Variants in HS3ST4 observed in about 807,000 individuals in gnomAD.
The protein encoded by HS3ST4 is heparan sulfate-glucosamine 3-sulfotransferase 4.
A neutral mutation model predicts 29.2 loss-of-function variants in HS3ST4; 17 were observed. The ratio of observed to expected loss-of-function variants is 0.58; its 90% CI spans 0.40 to 0.87. HS3ST4 has a LOEUF of 0.87. Among genes scored for constraint, HS3ST4 ranks in the 40% least tolerant of loss-of-function variants. The probability of loss-of-function intolerance (pLI) is 0.00; values close to 1 mark genes in which losing one functional copy is unlikely to be tolerated. For missense variants in HS3ST4, 627 were observed against 634.5 expected (o/e 0.99, Z 0.13); for synonymous variants, 314 against 285.7 (o/e 1.10, Z -1.00).
chr16:25,956,350 C>G (rs1488742599), intron 1 of HS3ST4, among the ~76,000 whole-genome samples: 3 of 152,054 alleles, frequency 2.0e-5, no homozygotes, highest in African/African-American at 7.2e-5. Flanking sequence ...GGTAACCTAC[C>G]CAGAAGTTGT....
Position 25,823,052 on chromosome 16 carries a change from T to C in HS3ST4, c.734+129901T>C, listed in dbSNP as rs181290340. On this transcript the variant is annotated intron_variant, in intron 1 of 1. Coordinates refer to ENST00000331351, the MANE Select transcript of HS3ST4 (RefSeq NM_006040.3). Reference sequence around the variant, plus strand: ...TGCACCCAGCCCACAGGATTACTTTTAATAACAGCATCGTGTTTTCTTAGA... The same window carrying C: ...TGCACCCAGCCCACAGGATTACTTTCAATAACAGCATCGTGTTTTCTTAGA... Among the ~76,000 whole-genome samples the C allele has an allele frequency of 7.5e-4, 114 of 152,306 alleles. 2 individuals are homozygous for C. Among genetic ancestry groups the C allele is most frequent in the Admixed American group, 7.3e-3 (112 of 15,302 alleles).
intron 1 of HS3ST4, among the ~76,000 whole-genome samples, chr16:25,865,344 C>T (rs1051120565): frequency 6.6e-6 from 1 of 152,154 alleles, no homozygotes; most frequent in Admixed American, 6.5e-5. Context: ...ATAGTAGCCA[C>T]TCTGACAGGT....
intron 1 of HS3ST4, among the ~76,000 whole-genome samples, chr16:26,071,911 C>CA (rs1361839921): frequency 5.3e-5 from 8 of 152,176 alleles, no homozygotes; most frequent in Non-Finnish European, 1.0e-4. Flanking sequence ...TTGGAACACT[C>CA]ACGAGGGGTC....
At chr16:25,899,504 A>G in intron 1 of HS3ST4, among the ~76,000 whole-genome samples, 1 of 150,448 alleles carries the variant, frequency 6.6e-6, no homozygotes, top group African/African-American at 2.4e-5. Context: ...TCCTTTTTAA[A>G]TTTTTTTTTT....
At chr16:25,829,306 C>T (rs546671676) in intron 1 of HS3ST4, among the ~76,000 whole-genome samples, 1 of 152,290 alleles carries the variant, frequency 6.6e-6, no homozygotes, top group East Asian at 1.9e-4. Context: ...AGACATTTTG[C>T]CCTAAATGTG....
intron 1 of HS3ST4, 111 bp downstream of exon 1, chr16:25,693,262 GC>G: frequency 8.3e-7 from 1 of 1,201,210 alleles, no homozygotes; most frequent in Admixed American, 3.3e-5. Flanking sequence ...AGAGGCCCAA[GC>G]CCCCGCGAGG....
chr16:25,877,887 A>C (rs908301560), intron 1 of HS3ST4, among the ~76,000 whole-genome samples: 1 of 152,236 alleles, frequency 6.6e-6, no homozygotes, highest in African/African-American at 2.4e-5. Flanking sequence ...TGCGCTAAGC[A>C]CTGGAGATGT....
chr16:25,795,298 T>TC (rs1360185350), intron 1 of HS3ST4, among the ~76,000 whole-genome samples: 1 of 151,878 alleles, frequency 6.6e-6, no homozygotes, highest in African/African-American at 2.4e-5. Flanking sequence ...TTTTCTTTTC[T>TC]CTTTTTTTTT....
Position 25,778,090 on chromosome 16 carries a change from T to C in HS3ST4, c.734+84939T>C, listed in dbSNP as rs144677796. Among the ~76,000 whole-genome samples, 170 of 152,214 alleles carry C rather than the reference T, an allele frequency of 1.1e-3. 2 individuals carry two copies. In the Middle Eastern group the frequency reaches 0.024, roughly 21 times the overall value. On this transcript the variant is annotated intron_variant, in intron 1 of 1. Transcript: ENST00000331351. Reference sequence around the variant, plus strand: ...TTTTCAGTATTTCTTTTATGCTGTTTGATATTTTAAAAAGTGTGATTACTC... The same window carrying C: ...TTTTCAGTATTTCTTTTATGCTGTTCGATATTTTAAAAAGTGTGATTACTC...
At chr16:26,043,580 T>C (rs1350830705) in intron 1 of HS3ST4, among the ~76,000 whole-genome samples, 1 of 152,180 alleles carries the variant, frequency 6.6e-6, no homozygotes, top group African/African-American at 2.4e-5. Flanking sequence ...AGGTCCCAGA[T>C]GTCGGGTATC....
At chr16:25,855,134 T>A (rs964594055) in intron 1 of HS3ST4, among the ~76,000 whole-genome samples, 8 of 152,132 alleles carry the variant, frequency 5.3e-5, no homozygotes, top group African/African-American at 1.7e-4. Flanking sequence ...GTTTTTTGAT[T>A]GATGGGTGGA....
intron 1 of HS3ST4, among the ~76,000 whole-genome samples, chr16:25,804,858 A>T (rs925718871): frequency 6.6e-6 from 1 of 152,098 alleles, no homozygotes; most frequent in African/African-American, 2.4e-5. Context: ...GGCTTAACCC[A>T]TTGGCTAACA....
chr16:25,969,341 CAG>C (rs145031890), intron 1 of HS3ST4, among the ~76,000 whole-genome samples: 334 of 152,310 alleles, frequency 2.2e-3, no homozygotes, highest in African/African-American at 7.8e-3. Flanking sequence ...TTCCTTGAGA[CAG>C]ACAGTTTTCT....
chr16:26,116,609 A>G (rs572346126), intron 1 of HS3ST4, among the ~76,000 whole-genome samples: 48 of 152,366 alleles, frequency 3.2e-4, no homozygotes, highest in African/African-American at 1.1e-3. Context: ...GTAGCATCTG[A>G]TAATGATAGA....
chr16:25,785,743 C>A (rs1966856805), intron 1 of HS3ST4, among the ~76,000 whole-genome samples: 1 of 152,080 alleles, frequency 6.6e-6, no homozygotes. Flanking sequence ...ATTAGAGGGA[C>A]CTTACAGCTT....
In HS3ST4 at chr16:25,849,396, G is replaced by A. The variant is rs1268599383; in HGVS notation, c.734+156245G>A. On this transcript the variant is annotated intron_variant, in intron 1 of 1. Transcript: ENST00000331351. ...ATTGGTGAATCTCTGAGCAAGAAAT[G>A]TGTCACTTTTTCTTTGAAATTCTGA... Among the ~76,000 whole-genome samples the A allele has an allele frequency of 6.6e-5, 10 of 152,192 alleles. 1 individual carries two copies. The highest frequency in any genetic ancestry group is 5.9e-4 in the Admixed American group (9 of 15,288).
rs142080919 is a variant in HS3ST4, at chr16:25,923,436, C to G, written c.735-212176C>G. ...CCAGGACTGCTAAACAGAGACTACC[C>G]TAGGAAATTCTATTGCCTGACACTT... On this transcript the variant is annotated intron_variant, in intron 1 of 1. Coordinates refer to ENST00000331351, the MANE Select transcript of HS3ST4 (RefSeq NM_006040.3). Among the ~76,000 whole-genome samples the G allele has an allele frequency of 4.9e-3, 741 of 152,300 alleles. 5 individuals carry two copies. Among genetic ancestry groups the G allele is most frequent in the Middle Eastern group, 0.017 (5 of 294 alleles).
chr16:25,805,535 C>T (rs1479130750), intron 1 of HS3ST4, among the ~76,000 whole-genome samples: 2 of 151,956 alleles, frequency 1.3e-5, no homozygotes, highest in Non-Finnish European at 2.9e-5. Flanking sequence ...AGTGATTTCA[C>T]CCTGGTATCG....
intron 1 of HS3ST4, among the ~76,000 whole-genome samples, chr16:25,828,543 G>C (rs1423002121): frequency 6.6e-6 from 1 of 151,766 alleles, no homozygotes; most frequent in Non-Finnish European, 1.5e-5. Context: ...GTTTCATCTT[G>C]TTGGCCAGGC....
Sources: allele counts gnomAD v4.1 joint callset (sites outside exome capture counted in the v4.1 genomes callset), GRCh38; gene constraint gnomAD v4.1.1; transcripts MANE v1.5; gene names NCBI Gene and HGNC (gene_info 2026-07-23, HGNC 2026-07-21).